The following SHARPIN variants were observed in gnomAD, a reference collection of about 807,000 sequenced individuals.
SHARPIN encodes hSIPL1.
A neutral mutation model predicts 40.3 loss-of-function variants in SHARPIN; 25 were observed. The ratio of observed to expected loss-of-function variants is 0.62; its 90% CI spans 0.45 to 0.87. SHARPIN has a LOEUF of 0.87. Ranked by LOEUF, SHARPIN falls within the 40% of genes least tolerant of loss-of-function variation. SHARPIN has a pLI of 0.00. For synonymous variants in SHARPIN, 274 were observed against 221.8 expected, an observed-to-expected ratio of 1.24 and a Z score of -2.09; for missense variants, 551 against 516.1, an observed-to-expected ratio of 1.07 and a Z score of -0.66.
chr8:144,103,593 C>T lies in SHARPIN; in HGVS notation c.161G>A (p.Gly54Glu), dbSNP rs1385551448. The change falls in exon 1 of 9, where the codon GGG (glycine) becomes GAG (glutamate). Residue 54 changes from glycine to glutamate, a missense_variant. Coordinates refer to ENST00000398712, the MANE Select transcript of SHARPIN (RefSeq NM_030974.4). The part of the protein sequence containing the change: ...LQLSADPERP[G>E]RFRLELLGAG... ...GCCCAGCAGCTCCAGCCGGAAGCGCCCAGGCCGCTCAGGGTCCGCGCTCAG... is the reference window on the plus strand; with the variant it reads ...GCCCAGCAGCTCCAGCCGGAAGCGCTCAGGCCGCTCAGGGTCCGCGCTCAG... The T allele has an allele frequency of 3.3e-6, 5 of 1,530,978 alleles. No individual in the cohort carries two copies. The African/African-American group carries it at 6.9e-5, about 21-fold the overall frequency. 94.8% of individuals were successfully genotyped at this position (1,530,978 alleles called of 1,614,324 possible).
chr8:144,098,683 C>T lies in SHARPIN; in HGVS notation c.*118G>A. On this transcript the variant is annotated 3_prime_UTR_variant, in exon 9 of 9. Transcript: ENST00000398712. ...GGTTTCATTTTGTGGCCCTTCCCCC[C>T]AACCCTGGTGACTGTCCCAGCAAGC... 2.0e-6 allele frequency: 1 copy of T among 495,368 alleles called. No individual in the cohort carries two copies. The highest frequency in any genetic ancestry group is 3.6e-6 in the Non-Finnish European group (1 of 281,632). 30.7% of individuals were successfully genotyped at this position (495,368 alleles called of 1,614,324 possible). A position where few individuals can be genotyped will look rare whatever the true frequency, so the allele number is the denominator to read the frequency against.
chr8:144,099,934 T>C lies in SHARPIN; in HGVS notation c.512A>G (p.Glu171Gly), dbSNP rs773586773. 2.9e-6 allele frequency: 4 copies of C among 1,395,782 alleles called. No individual in the cohort carries two copies. Among genetic ancestry groups the C allele is most frequent in the Non-Finnish European group, 3.8e-6 (4 of 1,041,048 alleles). The allele number at this position is 1,395,782 out of a possible 1,614,324, so 86.5% of individuals were successfully genotyped here. Reference protein sequence around the residue: ...DLPRSPGNLTEREELAGSLAR... With the variant: ...DLPRSPGNLTGREELAGSLAR... ...CCCCCTCCCCCCACCTGTACCTCTC[T>C]CCGTCAAGTTTCCAGGGCTCCTAGG... The change falls in exon 3 of 9, where the codon GAG becomes GGG. Residue 171 changes from glutamate to glycine, a missense_variant. Glu to Gly is a moderately conservative substitution (Grantham distance 98). Coordinates refer to ENST00000398712, the MANE Select transcript of SHARPIN (RefSeq NM_030974.4).
rs780935480 is a variant in SHARPIN, at chr8:144,099,445, T to C, written c.769-15A>G. 1 of 1,609,878 alleles carries C rather than the reference T, an allele frequency of 6.2e-7. No homozygotes were observed. The highest frequency in any genetic ancestry group is 8.5e-7 in the Non-Finnish European group (1 of 1,177,734). On this transcript the variant is annotated splice_polypyrimidine_tract_variant and intron_variant, in intron 5 of 8. Transcript: ENST00000398712. ...TCTGAGAACACCTGTGGCCAGAGCA[T>C]CAGGGCAGGTGATGTCACCTAGGCT...
intron 2 of SHARPIN, among the ~76,000 whole-genome samples, chr8:144,101,238 T>G (rs1398494022): frequency 3.3e-5 from 5 of 149,282 alleles, no homozygotes; most frequent in African/African-American, 1.2e-4. Flanking sequence ...ATTTTATTAT[T>G]TTTGTTTTTT....
Position 144,103,579 on chromosome 8 carries a change from C to A in SHARPIN, c.175G>T (p.Glu59Ter), listed in dbSNP as rs1249856162. 1 of 1,531,262 alleles carries A rather than the reference C, an allele frequency of 6.5e-7. No homozygotes were observed. Among genetic ancestry groups the A allele is most frequent in the African/African-American group, 1.4e-5 (1 of 72,832 alleles). The allele number at this position is 1,531,262 out of a possible 1,614,324, so 94.9% of individuals were successfully genotyped here. ...DPERPGRFRLELLGAGPGAVN... is the reference protein window; with the variant it reads ...DPERPGRFRL Reference sequence around the variant, plus strand: ...GCCCCAGGTCCCGCGCCCAGCAGCTCCAGCCGGAAGCGCCCAGGCCGCTCA... The same window carrying A: ...GCCCCAGGTCCCGCGCCCAGCAGCTACAGCCGGAAGCGCCCAGGCCGCTCA... The change falls in exon 1 of 9, where the codon GAG (glutamate) becomes TAG (stop). Residue 59 changes from glutamate to a stop codon, truncating the protein, a stop_gained. Coordinates refer to ENST00000398712, the MANE Select transcript of SHARPIN (RefSeq NM_030974.4). LOFTEE classifies it high-confidence loss of function.
Position 144,099,710 on chromosome 8 carries a change from G to T in SHARPIN, c.652C>A (p.Pro218Thr), listed in dbSNP as rs1028812948. Reference protein sequence around the residue: ...QLQEACFPPGPIRLQVTLEDA... With the variant: ...QLQEACFPPGTIRLQVTLEDA... ...AGCAGCCCCAGGCCTCACCTGATGG[G>T]GCCAGGTGGGAAGCAGGCCTCCTGA... Residue 218 changes from proline (P) to threonine (T), a missense_variant, in exon 4 of 9, where the codon CCC (proline) becomes ACC (threonine). Pro to Thr is a conservative substitution (Grantham distance 38, BLOSUM62 -1). Transcript: ENST00000398712. 8.7e-6 allele frequency: 14 copies of T among 1,613,472 alleles called. No individual in the cohort carries two copies. The highest frequency in any genetic ancestry group is 1.2e-5 in the Non-Finnish European group (14 of 1,179,964).
rs575625315 is a variant in SHARPIN at position 144,099,072 on chromosome 8, C to A, written c.1047+9G>T. 1.1e-5 allele frequency: 18 copies of A among 1,569,076 alleles called. No homozygotes were observed. The highest frequency in any genetic ancestry group is 3.4e-4 in the Middle Eastern group (2 of 5,900). On this transcript the variant is annotated intron_variant, in intron 7 of 8. Transcript: ENST00000398712. The stretch of plus-strand genomic sequence containing the variant: ...TGTCCTGGCCCTCCCTGCCCAGTCC[C>A]GTGCCCACCTGGAGTGGACTGGGCA...
In SHARPIN at chr8:144,099,173, T is replaced by C. The variant is rs1423157792; in HGVS notation, c.955A>G (p.Met319Val). The C allele has an allele frequency of 1.3e-6, 2 of 1,592,582 alleles. No individual in the cohort carries two copies. Among genetic ancestry groups the C allele is most frequent in the Non-Finnish European group, 1.7e-6 (2 of 1,170,944 alleles). The change falls in exon 7 of 9, where the codon ATG becomes GTG. Residue 319 changes from methionine to valine, a missense_variant. Physicochemically the swap from Met to Val is conservative, Grantham distance 21. Transcript: ENST00000398712. ...AACAAGCGTCCAAGTTCCCCGTCCA[T>C]CTTCTGGGGGTGCTGAGGGCTAGGT... The part of the protein sequence containing the change: ...TGPSPQHPQK[M>V]DGELGRLFPP...
Position 144,103,121 on chromosome 8 carries a change from G to A in SHARPIN, c.306C>T (p.His102=), listed in dbSNP as rs371026461. 2.5e-6 allele frequency: 4 copies of A among 1,613,678 alleles called. No homozygotes were observed. Among genetic ancestry groups the A allele is most frequent in the South Asian group, 1.1e-5 (1 of 91,072 alleles). ...GCTGAGCTTCCTGAGGGTTGAGGAA[G>A]TGCAGGCTGAGGGTTCCAGGCCCTC... is the stretch of plus-strand genomic sequence containing the variant. ...PPGGPGTLSL[H]FLNPQEAQRW... is the part of the protein sequence containing the mutation. The change falls in exon 2 of 9, where the codon CAC becomes CAT. Residue 102 remains histidine, a synonymous_variant. Transcript: ENST00000398712.
intron 1 of SHARPIN, 112 bp from the exon 2 acceptor site, chr8:144,103,337 A>G: frequency 1.6e-6 from 2 of 1,270,950 alleles, no homozygotes; most frequent in Non-Finnish European, 2.2e-6. Context: ...TAAGCCCTGT[A>G]CGCCTATCAT....
At chr8:144,099,052 T>C (rs762617492) in intron 7 of SHARPIN, 29 bp downstream of exon 7, 3 of 1,577,380 alleles carry the variant, frequency 1.9e-6, no homozygotes, top group South Asian at 1.2e-5. Context: ...ATGGCTGTCC[T>C]GGCCCTCCCT....
Position 144,099,430 on chromosome 8 carries a change from C to A in SHARPIN, c.769G>T (p.Val257Leu), listed in dbSNP as rs1425449423. The change falls in exon 6 of 9, where the codon GTG becomes TTG. Residue 257 changes from valine to leucine, a missense_variant and splice_region_variant. Transcript: ENST00000398712. ...HCTVAALQEQ[V>L]FSELGFPPAV... The stretch of plus-strand genomic sequence containing the variant: ...GGCGGGAAACCGAGCTCTGAGAACA[C>A]CTGTGGCCAGAGCATCAGGGCAGGT... 1.2e-6 allele frequency: 2 copies of A among 1,610,990 alleles called. No individual in the cohort carries two copies. The highest frequency in any genetic ancestry group is 2.2e-5 in the East Asian group (1 of 44,880).
Position 144,098,736 on chromosome 8 carries a change from G to T in SHARPIN, c.*65C>A, listed in dbSNP as rs1836218085. On this transcript the variant is annotated 3_prime_UTR_variant, in exon 9 of 9. Transcript: ENST00000398712. Reference sequence around the variant, plus strand: ...TCAGTAGAGGTCCCCGGAGTTCAGTGGGGGCCTGGAGATGTCGGACTTGTG... The same window carrying T: ...TCAGTAGAGGTCCCCGGAGTTCAGTTGGGGCCTGGAGATGTCGGACTTGTG... The T allele has an allele frequency of 1.6e-6, 1 of 611,512 alleles. No individual in the cohort carries two copies. The highest frequency in any genetic ancestry group is 2.7e-6 in the Non-Finnish European group (1 of 363,686). The allele number at this position is 611,512 out of a possible 1,614,324, so 37.9% of individuals were successfully genotyped here.
Position 144,098,729 on chromosome 8 carries a change from G to A in SHARPIN, c.*72C>T. The A allele has an allele frequency of 3.4e-6, 2 of 591,578 alleles. No individual in the cohort carries two copies. Among genetic ancestry groups the A allele is most frequent in the Admixed American group, 3.6e-5 (1 of 27,640 alleles). 36.6% of individuals were successfully genotyped at this position (591,578 alleles called of 1,614,324 possible). On this transcript the variant is annotated 3_prime_UTR_variant, in exon 9 of 9. Transcript: ENST00000398712. ...CAAGCAGTCAGTAGAGGTCCCCGGAGTTCAGTGGGGGCCTGGAGATGTCGG... is the reference window on the plus strand; with the variant it reads ...CAAGCAGTCAGTAGAGGTCCCCGGAATTCAGTGGGGGCCTGGAGATGTCGG...
Position 144,098,699 on chromosome 8 carries a change from C to T in SHARPIN, c.*102G>A. On this transcript the variant is annotated 3_prime_UTR_variant, in exon 9 of 9. Transcript: ENST00000398712. Reference sequence around the variant, plus strand: ...CCTTCCCCCCAACCCTGGTGACTGTCCCAGCAAGCAGTCAGTAGAGGTCCC... The same window carrying T: ...CCTTCCCCCCAACCCTGGTGACTGTTCCAGCAAGCAGTCAGTAGAGGTCCC... The T allele has an allele frequency of 3.9e-6, 2 of 517,868 alleles. No homozygotes were observed. The highest frequency in any genetic ancestry group is 6.8e-6 in the Non-Finnish European group (2 of 295,982). The allele number at this position is 517,868 out of a possible 1,614,324, so 32.1% of individuals were successfully genotyped here.
chr8:144,098,962 G>C lies in SHARPIN; in HGVS notation c.1080C>G (p.Ile360Met). ...CACAGCCAGGGCGGTCTGGGGCATT[G>C]ATGAAGGTGCAGGAAGGACAGGACC... ...PSWSCPSCTF[I>M]NAPDRPGCEM... The change falls in exon 8 of 9, where the codon ATC (isoleucine) becomes ATG (methionine). Residue 360 changes from isoleucine to methionine, a missense_variant. Ile to Met is a conservative substitution (Grantham distance 10). Transcript: ENST00000398712. 1 of 1,597,018 alleles carries C rather than the reference G, an allele frequency of 6.3e-7. No homozygotes were observed.
chr8:144,103,256 GT>G (rs779647452), intron 1 of SHARPIN, 31 bp from the exon 2 acceptor site: 5 of 1,572,016 alleles, frequency 3.2e-6, no homozygotes, highest in Non-Finnish European at 4.3e-6. Flanking sequence ...GGCTCAGGGC[GT>G]CCCCCCGCCC....
intron 3 of SHARPIN, 36 bp downstream of exon 3, chr8:144,099,893 T>TGGCCCCCACCCCCCCCCCCCCCC: frequency 6.4e-7 from 1 of 1,550,944 alleles, no homozygotes; most frequent in Non-Finnish European, 8.8e-7. Flanking sequence ...CTATCTGCTA[T>TGGCCCCCACCCCCCCCCCCCCCC]CCCCGAACCC....
At position 144,099,119 on chromosome 8, in the gene SHARPIN, G is replaced by T. The variant is rs1467550590; in HGVS notation, c.1009C>A (p.Pro337Thr). The T allele has an allele frequency of 5.7e-6, 9 of 1,587,438 alleles. No homozygotes were observed. Among genetic ancestry groups the T allele is most frequent in the Non-Finnish European group, 7.7e-6 (9 of 1,167,694 alleles). Reference sequence around the variant, plus strand: ...GGCAGGCTGGAGGCAGCTGGCTGGGGGCCTGGGGGTAGCCCCAATGATGGG... The same window carrying T: ...GGCAGGCTGGAGGCAGCTGGCTGGGTGCCTGGGGGTAGCCCCAATGATGGG... ...FPPSLGLPPG[P>T]QPAASSLPSP... Residue 337 changes from proline (P) to threonine (T), a missense_variant, in exon 7 of 9, where the codon CCC (proline) becomes ACC (threonine). Physicochemically the swap from Pro to Thr is conservative, Grantham distance 38 (BLOSUM62 -1). Coordinates refer to ENST00000398712, the MANE Select transcript of SHARPIN (RefSeq NM_030974.4).
Sources: gnomAD v4.1 joint callset for allele counts (sites outside exome capture counted in the v4.1 genomes callset) on GRCh38, gnomAD v4.1.1 for gene constraint, MANE v1.5 for transcripts, NCBI Gene and HGNC (gene_info 2026-07-23, HGNC 2026-07-21) for gene names.